The following SLC25A48 variants were observed in gnomAD, a reference collection of about 807,000 sequenced individuals.
SLC25A48 encodes solute carrier family 25 member 48.
SLC25A48 carries 29 observed loss-of-function variants against 32.2 expected under a neutral mutation model. The ratio of observed to expected loss-of-function variants is 0.90; its 90% CI spans 0.67 to 1.23. The LOEUF is 1.23. SLC25A48 is among the 50% of genes most tolerant of loss of function. The pLI, the probability that SLC25A48 is intolerant of heterozygous loss-of-function variation, is 0.00. For missense variants in SLC25A48, 399 were observed against 422.7 expected, an observed-to-expected ratio of 0.94 and a Z score of 0.49; for synonymous variants, 164 against 172.3, an observed-to-expected ratio of 0.95 and a Z score of 0.38.
chr5:135,667,447 T>G (rs1479196800), intron 3 of SLC25A48, among the ~76,000 whole-genome samples: 1 of 152,104 alleles, frequency 6.6e-6, no homozygotes, highest in Non-Finnish European at 1.5e-5. Context: ...TCCCGAACAG[T>G]AACAACCAAT....
chr5:135,868,677 TAC>T (rs34148471), intron 4 of SLC25A48, among the ~76,000 whole-genome samples: 17,162 of 149,040 alleles, frequency 0.12, 1,130 homozygotes, highest in Middle Eastern at 0.17. Flanking sequence ...CACACACACA[TAC>T]ACACACACAC....
chr5:135,756,048 C>T (rs1368071452), intron 3 of SLC25A48, among the ~76,000 whole-genome samples: 6 of 151,776 alleles, frequency 4.0e-5, no homozygotes, highest in Admixed American at 4.0e-4. Context: ...AGTGTCAATA[C>T]ATTATGGTAT....
At chr5:135,732,891 T>C (rs1755263215) in intron 3 of SLC25A48, among the ~76,000 whole-genome samples, 1 of 152,144 alleles carries the variant, frequency 6.6e-6, no homozygotes, top group Admixed American at 6.5e-5. Flanking sequence ...GCATAAGCAT[T>C]GTCTTGAGCG....
chr5:135,747,009 T>TTC (rs59009251), intron 3 of SLC25A48, among the ~76,000 whole-genome samples: 1 of 151,848 alleles, frequency 6.6e-6, no homozygotes, highest in Non-Finnish European at 1.5e-5. Context: ...TGTTTTTTTT[T>TTC]CCTGCAGAAC....
chr5:135,794,684 C>T (rs921887726), intron 3 of SLC25A48, among the ~76,000 whole-genome samples: 1 of 150,528 alleles, frequency 6.6e-6, no homozygotes, highest in Non-Finnish European at 1.5e-5. Context: ...TATCTAATAG[C>T]CGGGGGGAGA....
chr5:135,646,678 T>TATATATATATATATATATATACACAC (rs966073970), intron 3 of SLC25A48, among the ~76,000 whole-genome samples: 3 of 136,768 alleles, frequency 2.2e-5, no homozygotes, highest in African/African-American at 5.5e-5. Context: ...TATATATATA[T>TATATATATATATATATATATACACAC]ACAATGGGAA....
chr5:135,669,747 C>T (rs116012336), intron 3 of SLC25A48, among the ~76,000 whole-genome samples: 26 of 152,274 alleles, frequency 1.7e-4, no homozygotes, highest in African/African-American at 6.3e-4. Context: ...AATGAACAGC[C>T]TCATGCACAG....
At chr5:135,879,701 G>C (rs981603447) in intron 6 of SLC25A48, among the ~76,000 whole-genome samples, 8 of 151,102 alleles carry the variant, frequency 5.3e-5, no homozygotes, top group Non-Finnish European at 1.2e-4. Flanking sequence ...AGCATATGTA[G>C]GTGTTTGCCT....
intron 3 of SLC25A48, among the ~76,000 whole-genome samples, chr5:135,734,456 C>A (rs1755302730): frequency 6.6e-6 from 1 of 151,880 alleles, no homozygotes; most frequent in South Asian, 2.1e-4. Flanking sequence ...CTGTCAATAC[C>A]CGCAACAGTT....
intron 3 of SLC25A48, among the ~76,000 whole-genome samples, chr5:135,718,574 G>C (rs1754872450): frequency 6.6e-6 from 1 of 152,122 alleles, no homozygotes; most frequent in Non-Finnish European, 1.5e-5. Context: ...CAGTAATAAT[G>C]AATATAAACG....
intron 4 of SLC25A48, among the ~76,000 whole-genome samples, chr5:135,819,729 C>G (rs113539674): frequency 2.6e-5 from 4 of 151,930 alleles, no homozygotes; most frequent in Admixed American, 1.3e-4. Context: ...CTTTATGTAG[C>G]TAATTGTACT....
chr5:135,631,940 C>G (rs1388669713), intron 2 of SLC25A48, among the ~76,000 whole-genome samples: 1 of 152,144 alleles, frequency 6.6e-6, no homozygotes, highest in Admixed American at 6.5e-5. Flanking sequence ...GAAGTCCAAC[C>G]CAGGGGAGGG....
At chr5:135,731,162 G>A (rs957510090) in intron 3 of SLC25A48, among the ~76,000 whole-genome samples, 4 of 152,062 alleles carry the variant, frequency 2.6e-5, no homozygotes, top group Admixed American at 6.6e-5. Flanking sequence ...GAAAATTACA[G>A]TCAAAGGGGG....
intron 3 of SLC25A48, among the ~76,000 whole-genome samples, chr5:135,742,018 T>C (rs1253382759): frequency 2.6e-5 from 4 of 152,222 alleles, no homozygotes; most frequent in African/African-American, 9.6e-5. Flanking sequence ...TCTGCAGGGA[T>C]TGAGATTCCA....
chr5:135,614,056 ATTCTTCT>A (rs1373943922), intron 1 of SLC25A48, among the ~76,000 whole-genome samples: 108 of 152,298 alleles, frequency 7.1e-4, no homozygotes, highest in African/African-American at 2.5e-3. Context: ...AATAATATTA[ATTCTTCT>A]AATTCATGAG....
At chr5:135,597,669 C>G (rs919425425) in intron 1 of SLC25A48, among the ~76,000 whole-genome samples, 1 of 152,198 alleles carries the variant, frequency 6.6e-6, no homozygotes. Context: ...GCTTTAGCTA[C>G]AAAAGAGTCT....
At chr5:135,844,513 C>G (rs1164301556) in intron 2 of SLC25A48, among the ~76,000 whole-genome samples, 2 of 152,198 alleles carry the variant, frequency 1.3e-5, no homozygotes, top group Non-Finnish European at 2.9e-5. Flanking sequence ...TGGAACCACG[C>G]AGGCTCTAGG....
At chr5:135,789,199 C>CCCCCCCCCGCGATATTAG (rs1561493813) in intron 3 of SLC25A48, among the ~76,000 whole-genome samples, 12 of 34,466 alleles carry the variant, frequency 3.5e-4, no homozygotes, top group African/African-American at 6.3e-4. Context: ...GGTGTACACC[C>CCCCCCCCCGCGATATTAG]TCCCCCGCCA....
intron 3 of SLC25A48, among the ~76,000 whole-genome samples, chr5:135,765,671 G>T (rs769923412): frequency 3.3e-5 from 5 of 151,278 alleles, no homozygotes; most frequent in African/African-American, 9.7e-5. Context: ...CTCTGGGGGC[G>T]TACACCACCC....
Sources: allele counts gnomAD v4.1 joint callset (sites outside exome capture counted in the v4.1 genomes callset), GRCh38; gene constraint gnomAD v4.1.1; transcripts MANE v1.5; gene names NCBI Gene and HGNC (gene_info 2026-07-23, HGNC 2026-07-21).